EHMT1: variants seen among roughly 807,000 people sequenced by gnomAD.
EHMT1 encodes euchromatic histone lysine methyltransferase 1.
Under a neutral mutation model 147.2 loss-of-function variants are expected in EHMT1, and 15 were observed. The ratio of observed to expected loss-of-function variants is 0.10; its 90% CI spans 0.07 to 0.16. EHMT1 has a LOEUF of 0.16. Ranked by LOEUF, EHMT1 falls within the 10% of genes least tolerant of loss-of-function variation. The pLI is 1.00. For missense variants in EHMT1, 1,587 were observed against 1,772.4 expected (o/e 0.90, Z 1.88); for synonymous variants, 795 against 709.6 (o/e 1.12, Z -1.91).
chr9:137,688,704 A>G (rs1016323963), intron 1 of EHMT1, among the ~76,000 whole-genome samples: 2 of 152,248 alleles, frequency 1.3e-5, no homozygotes, highest in East Asian at 1.9e-4. Context: ...CTTGATTACC[A>G]TCACTTAGCA....
chr9:137,658,087 T>G (rs1177087349), intron 1 of EHMT1, among the ~76,000 whole-genome samples: 1 of 152,200 alleles, frequency 6.6e-6, no homozygotes, highest in Non-Finnish European at 1.5e-5. Context: ...ATTGTGCCTG[T>G]GTGCCACGTT....
chr9:137,788,461 G>A (rs563475830), intron 15 of EHMT1: 1 of 180,244 alleles, frequency 5.5e-6, no homozygotes, highest in East Asian at 1.5e-4. Context: ...GCGTACGGAG[G>A]TTGCAGGTGT....
At chr9:137,623,643 A>G (rs1589018597) in intron 1 of EHMT1, among the ~76,000 whole-genome samples, 1 of 151,378 alleles carries the variant, frequency 6.6e-6, no homozygotes, top group Non-Finnish European at 1.5e-5. Flanking sequence ...CTGCTCCTGA[A>G]CTCCCAACCT....
chr9:137,817,573 G>A (rs373429494), intron 24 of EHMT1, 48 bp downstream of exon 24: 74 of 1,608,274 alleles, frequency 4.6e-5, no homozygotes, highest in South Asian at 2.0e-4. Flanking sequence ...TTTCTGGGAC[G>A]GAGGCCCATC....
chr9:137,653,549 A>T (rs1938095346), intron 1 of EHMT1, among the ~76,000 whole-genome samples: 1 of 151,708 alleles, frequency 6.6e-6, no homozygotes, highest in Non-Finnish European at 1.5e-5. Flanking sequence ...TTCTTTTGAG[A>T]CAGAGTTTTG....
At chr9:137,801,040 C>A in intron 18 of EHMT1, 56 bp downstream of exon 18, 1 of 1,484,590 alleles carries the variant, frequency 6.7e-7, no homozygotes, top group Non-Finnish European at 9.4e-7. Flanking sequence ...GGGACCTCCT[C>A]CCCCAGAAGG....
intron 1 of EHMT1, among the ~76,000 whole-genome samples, chr9:137,656,364 A>T (rs923262399): frequency 6.6e-6 from 1 of 152,214 alleles, no homozygotes; most frequent in African/African-American, 2.4e-5. Context: ...TGGGTGACAG[A>T]GCGAGACTCC....
intron 10 of EHMT1, chr9:137,764,737 C>G (rs1026727954): frequency 6.6e-6 from 1 of 152,144 alleles, no homozygotes; most frequent in African/African-American, 2.4e-5. Context: ...TAATTGGATC[C>G]AAACTGGTTC....
intron 16 of EHMT1, 139 bp from the exon 17 acceptor site, chr9:137,798,667 GCCTCAGC>G: frequency 1.4e-6 from 1 of 738,572 alleles, no homozygotes; most frequent in Admixed American, 1.9e-5. Flanking sequence ...TGTTCCCTCG[GCCTCAGC>G]CTGGGTTTCC....
At chr9:137,736,505 C>G (rs1445099668) in intron 4 of EHMT1, among the ~76,000 whole-genome samples, 1 of 152,272 alleles carries the variant, frequency 6.6e-6, no homozygotes, top group Non-Finnish European at 1.5e-5. Flanking sequence ...TGCCCAACAG[C>G]AGCATGTACA....
chr9:137,716,904 A>G lies in EHMT1; in HGVS notation c.364A>G (p.Ser122Gly). 1 of 1,613,132 alleles carries G rather than the reference A, an allele frequency of 6.2e-7. No individual in the cohort carries two copies. Residue 122 changes from serine (S) to glycine (G), a missense_variant, in exon 3 of 27, where the codon AGC becomes GGC. Transcript: ENST00000460843. ...CTTTGTGCAGACTTCTGTCATCGGC[A>G]GCAACGGATACATCTTAAATAAGCC... ...DDFVQTSVIG[S>G]NGYILNKPAL...
Position 137,663,665 on chromosome 9 carries a change from C to T in EHMT1, c.21+44616C>T, listed in dbSNP as rs973646512. Among the ~76,000 whole-genome samples the T allele has an allele frequency of 1.1e-4, 16 of 152,188 alleles. 1 individual carries two copies. Among genetic ancestry groups the T allele is most frequent in the African/African-American group, 3.4e-4 (14 of 41,442 alleles). On this transcript the variant is annotated intron_variant, in intron 1 of 26. Coordinates refer to ENST00000460843, the MANE Select transcript of EHMT1 (RefSeq NM_024757.5). ...ACCAGCATCTTTCTGTTCTCTTACA[C>T]GAGTCTTGGTATCATAGACACCCTG...
chr9:137,633,970 C>T (rs536634317), intron 1 of EHMT1, among the ~76,000 whole-genome samples: 7 of 152,052 alleles, frequency 4.6e-5, no homozygotes, highest in African/African-American at 9.6e-5. Flanking sequence ...CGCACCAGCA[C>T]GCCGGCTTAT....
In EHMT1 at chr9:137,806,757, A is replaced by G. The variant is rs188460224; in HGVS notation, c.2713-4704A>G. Among the ~76,000 whole-genome samples the G allele has an allele frequency of 4.2e-3, 633 of 152,312 alleles. 3 individuals are homozygous for G. The highest frequency in any genetic ancestry group is 7.2e-3 in the Non-Finnish European group (491 of 68,020). On this transcript the variant is annotated intron_variant, in intron 18 of 26. Coordinates refer to ENST00000460843, the MANE Select transcript of EHMT1 (RefSeq NM_024757.5). Reference sequence around the variant, plus strand: ...CCTCTTACAGCTCTTTAATGCCTGGAAAGTCCTTATTTTGCTTTCATCTTT... The same window carrying G: ...CCTCTTACAGCTCTTTAATGCCTGGGAAGTCCTTATTTTGCTTTCATCTTT...
intron 16 of EHMT1, among the ~76,000 whole-genome samples, chr9:137,792,443 G>A (rs574615901): frequency 1.6e-4 from 25 of 152,314 alleles, no homozygotes; most frequent in African/African-American, 5.3e-4. Flanking sequence ...GGTGGCTCAC[G>A]CCTGTAATCC....
rs1406518594 is a variant in EHMT1, at chr9:137,635,583, G to A, written c.21+16534G>A. Among the ~76,000 whole-genome samples, 3 of 151,664 alleles carry A rather than the reference G, an allele frequency of 2.0e-5. No individual in the cohort carries two copies. In the East Asian group the frequency reaches 6.2e-4, roughly 31 times the overall value. On this transcript the variant is annotated intron_variant, in intron 1 of 26. Coordinates refer to ENST00000460843, the MANE Select transcript of EHMT1 (RefSeq NM_024757.5). Reference sequence around the variant, plus strand: ...CGCCTGTAATCCCAGCACTTTGGGAGGCCGAGGTGGGTGGATCACGAGGTC... The same window carrying A: ...CGCCTGTAATCCCAGCACTTTGGGAAGCCGAGGTGGGTGGATCACGAGGTC...
Position 137,792,065 on chromosome 9 carries a change from C to T in EHMT1, c.2505+1095C>T, listed in dbSNP as rs1219873285. ...CTTTTTTTTTTACAGATACAGAAAA[C>T]TTCTAAAGTTTATACGGAGTCTCAA... On this transcript the variant is annotated intron_variant, in intron 16 of 26. Transcript: ENST00000460843. The T allele has an allele frequency of 2.1e-6, 1 of 467,990 alleles. No individual in the cohort carries two copies. The highest frequency in any genetic ancestry group is 4.4e-6 in the Non-Finnish European group (1 of 226,144). 29.0% of individuals were successfully genotyped at this position (467,990 alleles called of 1,614,324 possible).
intron 9 of EHMT1, 137 bp from the exon 10 acceptor site, chr9:137,762,538 G>T: frequency 7.4e-6 from 11 of 1,477,316 alleles, no homozygotes; most frequent in African/African-American, 1.4e-5. Flanking sequence ...ACGCAGGGCT[G>T]TTTGTGCTGG....
rs1955011388 is a variant in EHMT1 at position 137,817,461 on chromosome 9, A to G, written c.3397A>G (p.Thr1133Ala). 3 of 1,614,000 alleles carry G rather than the reference A, an allele frequency of 1.9e-6. No homozygotes were observed. The highest frequency in any genetic ancestry group is 3.3e-5 in the Admixed American group (2 of 59,996). Residue 1133 changes from threonine to alanine, a missense_variant, in exon 24 of 27, where the codon ACG (threonine) becomes GCG (alanine). By Grantham distance (58) the Thr-to-Ala change is moderately conservative (BLOSUM62 0). Transcript: ENST00000460843. ...CAGGGCAAGGCTGCAGCTCTACCGG[A>G]CGCGGGACATGGGCTGGGGCGTGCG... Reference protein sequence around the residue: ...GLRARLQLYRTRDMGWGVRSL... With the variant: ...GLRARLQLYRARDMGWGVRSL...
Sources: allele counts gnomAD v4.1 joint callset (sites outside exome capture counted in the v4.1 genomes callset), GRCh38; gene constraint gnomAD v4.1.1; transcripts MANE v1.5; gene names NCBI Gene and HGNC (gene_info 2026-07-23, HGNC 2026-07-21).